MCM8: variants seen among roughly 807,000 people sequenced by gnomAD.
MCM8 encodes DNA helicase MCM8.
A neutral mutation model predicts 98.9 loss-of-function variants in MCM8; 85 were observed. The ratio of observed to expected loss-of-function variants is 0.86; its 90% CI spans 0.72 to 1.03. The LOEUF (loss-of-function observed/expected upper bound fraction) is 1.03. Among genes scored for constraint, MCM8 ranks in the 50% least tolerant of loss-of-function variants. MCM8 has a pLI of 0.00. For synonymous variants in MCM8, 352 were observed against 338.6 expected (o/e 1.04, Z -0.44); for missense variants, 951 against 997.8 (o/e 0.95, Z 0.63).
In MCM8 at chr20:5,996,862, T is replaced by C. The variant is rs767309181; in HGVS notation, c.*2471T>C. On this transcript the variant is annotated 3_prime_UTR_variant, in exon 19 of 19. Coordinates refer to ENST00000610722, the MANE Select transcript of MCM8 (RefSeq NM_032485.6). ...TGGGTGTGCAAACATCACATTACAG[T>C]CCCTCCAACCACAAACCCCAACATA... 6.6e-6 allele frequency: 1 copy of C among 152,210 alleles called. No homozygotes were observed. The highest frequency in any genetic ancestry group is 1.5e-5 in the Non-Finnish European group (1 of 68,052). The allele number at this position is 152,210 out of a possible 1,614,324, so 9.4% of individuals were successfully genotyped here. A position where few individuals can be genotyped will look rare whatever the true frequency, so the allele number is the denominator to read the frequency against.
chr20:5,975,085 C>A lies in MCM8; in HGVS notation c.1395+1889C>A, dbSNP rs2089480518. On this transcript the variant is annotated intron_variant, in intron 12 of 18. Transcript: ENST00000610722. The stretch of plus-strand genomic sequence containing the variant: ...ACCAGCCTGTGCAACAAAGTGAGAC[C>A]CTATCTCTACAAAAAAGAAAACAAT... Among the ~76,000 whole-genome samples, 4 of 151,976 alleles carry A rather than the reference C, an allele frequency of 2.6e-5. No individual in the cohort carries two copies. In the South Asian group the frequency reaches 8.3e-4, roughly 32 times the overall value.
chr20:5,971,745 G>A (rs552272364), intron 10 of MCM8, among the ~76,000 whole-genome samples: 1 of 152,308 alleles, frequency 6.6e-6, no homozygotes, highest in South Asian at 2.1e-4. Flanking sequence ...TGTAAGAAGA[G>A]CAACATTGTA....
chr20:5,984,814 G>T lies in MCM8; in HGVS notation c.1767G>T (p.Leu589Phe). 1.2e-6 allele frequency: 2 copies of T among 1,613,710 alleles called. No homozygotes were observed. The highest frequency in any genetic ancestry group is 1.7e-6 in the Non-Finnish European group (2 of 1,179,732). The change falls in exon 15 of 19, where the codon TTG becomes TTT. Residue 589 changes from leucine (L) to phenylalanine (F), a missense_variant. Transcript: ENST00000610722. ...GTGCACTACTATCCAGATTTGATTTGGTCTTTATCCTGTTAGATACTCCAA... is the reference window on the plus strand; with the variant it reads ...GTGCACTACTATCCAGATTTGATTTTGTCTTTATCCTGTTAGATACTCCAA... ...MGSALLSRFD[L>F]VFILLDTPNE...
intron 13 of MCM8, 69 bp from the exon 14 acceptor site, chr20:5,982,901 T>C: frequency 7.8e-7 from 1 of 1,285,700 alleles, no homozygotes; most frequent in Non-Finnish European, 1.1e-6. Flanking sequence ...AAACAATTTC[T>C]ATCCTATAAA....
intron 6 of MCM8, among the ~76,000 whole-genome samples, 183 bp downstream of exon 6, chr20:5,957,412 A>G (rs1019499825): frequency 4.6e-5 from 7 of 152,236 alleles, no homozygotes; most frequent in Admixed American, 1.3e-4. Flanking sequence ...CATGACAGAT[A>G]CTTCCTAAAT....
At chr20:5,957,796 A>C (rs1461063567) in intron 6 of MCM8, among the ~76,000 whole-genome samples, 1 of 152,212 alleles carries the variant, frequency 6.6e-6, no homozygotes, top group African/African-American at 2.4e-5. Flanking sequence ...GATACAAGGG[A>C]ATAATGAAAT....
intron 2 of MCM8, 90 bp downstream of exon 2, chr20:5,952,253 TGTC>T: frequency 1.3e-6 from 2 of 1,569,530 alleles, no homozygotes; most frequent in Non-Finnish European, 1.7e-6. Flanking sequence ...TACTTCAGTT[TGTC>T]TTTTATTTCA....
rs140486177 is a variant in MCM8, at chr20:5,995,605, C to G, written c.*1214C>G. On this transcript the variant is annotated 3_prime_UTR_variant, in exon 19 of 19. Transcript: ENST00000610722. ...AAAAAGAAGTTGCATACAAAGACAT[C>G]TGATTGAAAAAGGGTATGTTATATG... The G allele has an allele frequency of 6.6e-6, 1 of 152,208 alleles. No individual in the cohort carries two copies. The highest frequency in any genetic ancestry group is 1.5e-5 in the Non-Finnish European group (1 of 68,034). The allele number at this position is 152,208 out of a possible 1,614,324, so 9.4% of individuals were successfully genotyped here. A position where few individuals can be genotyped will look rare whatever the true frequency, so the allele number is the denominator to read the frequency against.
Position 5,993,634 on chromosome 20 carries a change from C to A in MCM8, c.2369C>A (p.Thr790Asn). Residue 790 changes from threonine to asparagine, a missense_variant, in exon 18 of 19, where the codon ACT becomes AAT. Thr to Asn is a moderately conservative substitution (Grantham distance 65). Transcript: ENST00000610722. The part of the protein sequence containing the change: ...ISALNNVAER[T>N]YNNIFQFHQL... ...GCTCTCAACAACGTTGCTGAAAGAA[C>A]TTATAATAATATATTTCAATTTCAT... 1 of 1,611,438 alleles carries A rather than the reference C, an allele frequency of 6.2e-7. No individual in the cohort carries two copies. Among genetic ancestry groups the A allele is most frequent in the Non-Finnish European group, 8.5e-7 (1 of 1,178,236 alleles).
intron 12 of MCM8, among the ~76,000 whole-genome samples, chr20:5,975,260 A>T (rs571786428): frequency 2.2e-4 from 29 of 128,974 alleles, no homozygotes; most frequent in African/African-American, 7.9e-4. Context: ...CCCTGTCTTT[A>T]AAAAAAAAAA....
chr20:5,981,927 TAA>T (rs1242068517), intron 13 of MCM8, among the ~76,000 whole-genome samples: 3 of 152,176 alleles, frequency 2.0e-5, no homozygotes, highest in African/African-American at 7.2e-5. Flanking sequence ...TGAGAAATTA[TAA>T]AGAGGAAAGG....
intron 12 of MCM8, among the ~76,000 whole-genome samples, chr20:5,975,985 A>G (rs2089503255): frequency 6.6e-6 from 1 of 151,368 alleles, no homozygotes; most frequent in South Asian, 2.1e-4. Flanking sequence ...TGAATAGAGT[A>G]TGGCATGTAA....
chr20:5,954,039 G>A (rs550714635), intron 3 of MCM8, among the ~76,000 whole-genome samples: 8 of 152,232 alleles, frequency 5.3e-5, no homozygotes, highest in South Asian at 4.1e-4. Context: ...CAGTCCTAAA[G>A]ATGGAGTTCA....
intron 2 of MCM8, 81 bp from the exon 3 acceptor site, chr20:5,952,343 T>C: frequency 6.4e-7 from 1 of 1,565,690 alleles, no homozygotes; most frequent in East Asian, 2.2e-5. Context: ...ACTCTATTAA[T>C]GAGAGTCTCA....
chr20:5,961,236 T>C (rs113288005), intron 7 of MCM8, among the ~76,000 whole-genome samples: 8 of 152,150 alleles, frequency 5.3e-5, no homozygotes, highest in African/African-American at 1.9e-4. Flanking sequence ...AGTGATCTAA[T>C]TTTTAGGTGA....
At chr20:5,966,690 C>G (rs573496357) in intron 8 of MCM8, among the ~76,000 whole-genome samples, 1 of 152,216 alleles carries the variant, frequency 6.6e-6, no homozygotes, top group South Asian at 2.1e-4. Context: ...CCTCTAAATA[C>G]AAAGATAGGG....
chr20:5,971,801 C>T (rs534691994), intron 10 of MCM8, among the ~76,000 whole-genome samples: 1 of 152,120 alleles, frequency 6.6e-6, no homozygotes, highest in African/African-American at 2.4e-5. Flanking sequence ...GTTCCTTATG[C>T]AGAGTTTTTA....
Position 5,984,926 on chromosome 20 carries a change from C to T in MCM8, c.1879C>T (p.Arg627Cys), listed in dbSNP as rs759167214. The T allele has an allele frequency of 4.8e-5, 77 of 1,613,970 alleles. No individual in the cohort carries two copies. The Middle Eastern group carries it at 1.5e-3, about 31-fold the overall frequency. Residue 627 changes from arginine (R) to cysteine (C), a missense_variant, in exon 15 of 19, where the codon CGT (arginine) becomes TGT (cysteine). Coordinates refer to ENST00000610722, the MANE Select transcript of MCM8 (RefSeq NM_032485.6). ...QRTISSATVARMNSQDSNTSV... is the reference protein window; with the variant it reads ...QRTISSATVACMNSQDSNTSV... The stretch of plus-strand genomic sequence containing the variant: ...AACCATTAGCAGTGCCACAGTAGCT[C>T]GTATGAATAGTCAAGATTCAAATAC...
chr20:5,956,240 G>A (rs1312392010), intron 5 of MCM8, among the ~76,000 whole-genome samples: 2 of 152,090 alleles, frequency 1.3e-5, no homozygotes, highest in Non-Finnish European at 2.9e-5. Context: ...GATTATTTGG[G>A]CCTAGCTCAG....
Sources: allele counts gnomAD v4.1 joint callset (sites outside exome capture counted in the v4.1 genomes callset), GRCh38; gene constraint gnomAD v4.1.1; transcripts MANE v1.5; gene names NCBI Gene and HGNC (gene_info 2026-07-23, HGNC 2026-07-21).